TMCC3: variants seen among roughly 807,000 people sequenced by gnomAD.
TMCC3 encodes transmembrane and coiled-coil domain protein 3.
A neutral mutation model predicts 40.2 loss-of-function variants in TMCC3; 28 were observed. The ratio of observed to expected loss-of-function variants is 0.70; its 90% CI spans 0.52 to 0.95. The LOEUF (loss-of-function observed/expected upper bound fraction) is 0.95. Among genes scored for constraint, TMCC3 ranks in the 40% least tolerant of loss-of-function variants. The pLI, the probability that TMCC3 is intolerant of heterozygous loss-of-function variation, is 0.00. For synonymous variants in TMCC3, 255 were observed against 248.5 expected, an observed-to-expected ratio of 1.03 and a Z score of -0.25; for missense variants, 554 against 615.2, an observed-to-expected ratio of 0.90 and a Z score of 1.05.
chr12:94,603,507 C>T (rs2068764767), intron 1 of TMCC3, among the ~76,000 whole-genome samples: 1 of 152,180 alleles, frequency 6.6e-6, no homozygotes, highest in African/African-American at 2.4e-5. Context: ...CAACACACAA[C>T]CCAGACAAAT....
intron 1 of TMCC3, among the ~76,000 whole-genome samples, chr12:94,645,987 T>C (rs1426801312): frequency 6.6e-6 from 1 of 152,156 alleles, no homozygotes; most frequent in Non-Finnish European, 1.5e-5. Context: ...AACACCCCTA[T>C]TATGTAGAAG....
chr12:94,569,571 C>T lies in TMCC3; in HGVS notation c.*1864G>A, dbSNP rs1046505996. On this transcript the variant is annotated 3_prime_UTR_variant, in exon 4 of 4. Coordinates refer to ENST00000261226, the MANE Select transcript of TMCC3 (RefSeq NM_020698.4). Reference sequence around the variant, plus strand: ...AAATGACATTTATTGTTTAAAAAAGCGTGAGTCTGGAATTAGATAGTGGTG... The same window carrying T: ...AAATGACATTTATTGTTTAAAAAAGTGTGAGTCTGGAATTAGATAGTGGTG... 6.6e-5 allele frequency: 10 copies of T among 151,956 alleles called. No individual in the cohort carries two copies. The highest frequency in any genetic ancestry group is 3.2e-3 in the Middle Eastern group (1 of 316). 9.4% of individuals were successfully genotyped at this position (151,956 alleles called of 1,614,324 possible). A position where few individuals can be genotyped will look rare whatever the true frequency, so the allele number is the denominator to read the frequency against.
intron 1 of TMCC3, chr12:94,598,631 C>A: frequency 1.0e-6 from 1 of 985,434 alleles, no homozygotes; most frequent in Non-Finnish European, 1.2e-6. Flanking sequence ...TATACATAAA[C>A]TCCCTCTTTG....
chr12:94,644,176 C>T (rs549266653), intron 1 of TMCC3, among the ~76,000 whole-genome samples: 1 of 152,348 alleles, frequency 6.6e-6, no homozygotes, highest in Admixed American at 6.5e-5. Context: ...GGCCTATGCA[C>T]AAATCATATA....
chr12:94,612,189 G>A (rs764950290), intron 1 of TMCC3, among the ~76,000 whole-genome samples: 17 of 152,120 alleles, frequency 1.1e-4, no homozygotes, highest in Non-Finnish European at 2.4e-4. Flanking sequence ...TTGTAGAGAC[G>A]AGGTTTCACC....
At chr12:94,598,851 T>A (rs985445174) in intron 1 of TMCC3, 1 of 830,002 alleles carries the variant, frequency 1.2e-6, no homozygotes. Context: ...ATTTTAAAGA[T>A]AAACACTGTA....
chr12:94,572,373 T>G (rs1183394982), intron 3 of TMCC3, among the ~76,000 whole-genome samples: 2 of 127,158 alleles, frequency 1.6e-5, no homozygotes, highest in Non-Finnish European at 3.2e-5. Context: ...TGCAGTGGCG[T>G]GATCTCGGCT....
intron 1 of TMCC3, among the ~76,000 whole-genome samples, chr12:94,638,496 G>A (rs991547065): frequency 6.6e-6 from 1 of 152,160 alleles, no homozygotes; most frequent in African/African-American, 2.4e-5. Flanking sequence ...CAACATGTAG[G>A]ATGGAATGGA....
chr12:94,608,198 A>C (rs966826975), intron 1 of TMCC3, among the ~76,000 whole-genome samples: 15 of 152,228 alleles, frequency 9.9e-5, no homozygotes, highest in Non-Finnish European at 2.9e-5. Flanking sequence ...TTTATATATA[A>C]ACAGAGGTAA....
chr12:94,650,224 G>A (rs1439850483), intron 1 of TMCC3, 129 bp downstream of exon 1: 4 of 447,782 alleles, frequency 8.9e-6, no homozygotes, highest in Non-Finnish European at 1.3e-5. Flanking sequence ...GGGAGGCACG[G>A]ACCTCCGGCG....
chr12:94,629,883 C>T (rs940086768), intron 1 of TMCC3, among the ~76,000 whole-genome samples: 3 of 152,242 alleles, frequency 2.0e-5, no homozygotes, highest in Admixed American at 2.0e-4. Flanking sequence ...ATTTGACTAT[C>T]ATTATCACTC....
chr12:94,599,493 C>T (rs2068738243), intron 1 of TMCC3, among the ~76,000 whole-genome samples: 1 of 151,860 alleles, frequency 6.6e-6, no homozygotes, highest in South Asian at 2.1e-4. Context: ...AAATTCATAC[C>T]AGAAGGTCCC....
chr12:94,568,609 G>A lies in TMCC3; in HGVS notation c.*2826C>T, dbSNP rs1042166143. On this transcript the variant is annotated 3_prime_UTR_variant, in exon 4 of 4. Coordinates refer to ENST00000261226, the MANE Select transcript of TMCC3 (RefSeq NM_020698.4). ...TTTTTAATTGTAATATTTCTAAAATGTCATTTAATCTCCTTACACATTGAA... is the reference window on the plus strand; with the variant it reads ...TTTTTAATTGTAATATTTCTAAAATATCATTTAATCTCCTTACACATTGAA... 3.9e-5 allele frequency: 6 copies of A among 152,164 alleles called. No homozygotes were observed. Among genetic ancestry groups the A allele is most frequent in the African/African-American group, 9.7e-5 (4 of 41,434 alleles). The allele number at this position is 152,164 out of a possible 1,614,324, so 9.4% of individuals were successfully genotyped here. A position where few individuals can be genotyped will look rare whatever the true frequency, so the allele number is the denominator to read the frequency against.
intron 3 of TMCC3, among the ~76,000 whole-genome samples, chr12:94,572,222 T>A (rs1338820777): frequency 2.6e-5 from 4 of 151,660 alleles, no homozygotes; most frequent in Non-Finnish European, 5.9e-5. Flanking sequence ...AAGGTCTCGA[T>A]CTCCTGACCT....
intron 1 of TMCC3, among the ~76,000 whole-genome samples, chr12:94,590,059 T>TCTGGTGTGGCTTC (rs61322007): frequency 0.64 from 95,863 of 150,746 alleles, 30,517 homozygotes; most frequent in Admixed American, 0.67. Context: ...TGTCCACAGC[T>TCTGGTGTGGCTTC]CTGGAGCCAC....
intron 1 of TMCC3, among the ~76,000 whole-genome samples, chr12:94,612,521 A>G (rs2138860635): frequency 6.6e-6 from 1 of 152,228 alleles, no homozygotes; most frequent in East Asian, 1.9e-4. Context: ...CATGTTGGCC[A>G]GGCTGGTCAC....
Position 94,582,103 on chromosome 12 carries a change from C to CGT in TMCC3, c.512_513dup (p.Val172ThrfsTer2). On this transcript the variant is annotated frameshift_variant, in exon 2 of 4. Transcript: ENST00000261226. LOFTEE classifies it high-confidence loss of function. ...CAATGGGGGGCAGTTCGAGATTTCA[C>CGT]GTGGGCATCTTTCAAAGAGCGATGT... 1 of 1,614,166 alleles carries CGT rather than the reference C, an allele frequency of 6.2e-7. No homozygotes were observed. The highest frequency in any genetic ancestry group is 8.5e-7 in the Non-Finnish European group (1 of 1,180,032).
Position 94,571,523 on chromosome 12 carries a change from G to A in TMCC3, c.1346C>T (p.Thr449Ile). 6.2e-7 allele frequency: 1 copy of A among 1,614,136 alleles called. No homozygotes were observed. Among genetic ancestry groups the A allele is most frequent in the Non-Finnish European group, 8.5e-7 (1 of 1,180,024 alleles). The stretch of plus-strand genomic sequence containing the variant: ...AGCAAGAAGAGTCACGGCAAAGAAG[G>A]TGCCAAGAATGTGGCAGCGACTCTT... ...MMKSRCHILG[T>I]FFAVTLLAIF... Residue 449 changes from threonine (T) to isoleucine (I), a missense_variant, in exon 4 of 4, where the codon ACC becomes ATC. Thr to Ile is a moderately conservative substitution (Grantham distance 89, BLOSUM62 -1). Coordinates refer to ENST00000261226, the MANE Select transcript of TMCC3 (RefSeq NM_020698.4).
At chr12:94,588,884 T>C (rs1973485) in intron 1 of TMCC3, among the ~76,000 whole-genome samples, 96,038 of 150,480 alleles carry the variant, frequency 0.64, 30,659 homozygotes, top group Admixed American at 0.67. Context: ...AGTGCAGTGG[T>C]GCAATCTCGG....
Sources: allele counts gnomAD v4.1 joint callset (sites outside exome capture counted in the v4.1 genomes callset), GRCh38; gene constraint gnomAD v4.1.1; transcripts MANE v1.5; gene names NCBI Gene and HGNC (gene_info 2026-07-23, HGNC 2026-07-21).